Variants in NFX1 observed in about 807,000 individuals in gnomAD.
The protein encoded by NFX1 is transcriptional repressor NF-X1.
In NFX1, 69 loss-of-function variants were observed where a neutral mutation model predicts 137.2. The ratio of observed to expected loss-of-function variants is 0.50; its 90% confidence interval spans 0.41 to 0.61. NFX1 has a LOEUF of 0.61. Among genes scored for constraint, NFX1 ranks in the 20% least tolerant of loss-of-function variants. NFX1 has a pLI of 0.00. For missense variants in NFX1, 1,167 were observed against 1,391.0 expected, an observed-to-expected ratio of 0.84 and a Z score of 2.56; for synonymous variants, 495 against 474.1, an observed-to-expected ratio of 1.04 and a Z score of -0.57.
chr9:33,321,233 A>G (rs1295798168), intron 9 of NFX1, among the ~76,000 whole-genome samples: 1 of 152,174 alleles, frequency 6.6e-6, no homozygotes, highest in Admixed American at 6.6e-5. Flanking sequence ...AACTGGCAGT[A>G]ACAGACCTTG....
intron 19 of NFX1, among the ~76,000 whole-genome samples, chr9:33,355,136 A>C (rs139155265): frequency 6.6e-6 from 1 of 152,352 alleles, no homozygotes; most frequent in Non-Finnish European, 1.5e-5. Context: ...ATCACATAAC[A>C]CAGCATACTT....
At chr9:33,340,032 A>C (rs1336111508) in intron 12 of NFX1, among the ~76,000 whole-genome samples, 2 of 152,168 alleles carry the variant, frequency 1.3e-5, no homozygotes, top group African/African-American at 2.4e-5. Flanking sequence ...CTGTCAGTGG[A>C]TCTCCCATTC....
chr9:33,369,864 C>T (rs780336859), intron 23 of NFX1, 42 bp from the exon 24 acceptor site: 7 of 1,454,084 alleles, frequency 4.8e-6, no homozygotes, highest in Non-Finnish European at 6.8e-6. Context: ...ATCTGTTTCC[C>T]CCAAAGAAGA....
intron 1 of NFX1, 37 bp from the exon 2 acceptor site, chr9:33,294,383 A>G (rs767396216): frequency 3.5e-5 from 53 of 1,510,424 alleles, no homozygotes; most frequent in Middle Eastern, 3.5e-4. Context: ...GATGAAGTTT[A>G]ATCTCTTTAC....
intron 9 of NFX1, among the ~76,000 whole-genome samples, chr9:33,319,413 C>G (rs1236856808): frequency 1.3e-5 from 2 of 152,166 alleles, no homozygotes; most frequent in African/African-American, 4.8e-5. Flanking sequence ...GGAGCCTGTA[C>G]TGTAATGAAC....
At chr9:33,361,315 T>A (rs1405122755) in intron 19 of NFX1, among the ~76,000 whole-genome samples, 1 of 152,130 alleles carries the variant, frequency 6.6e-6, no homozygotes, top group Non-Finnish European at 1.5e-5. Flanking sequence ...ATTTTTAAAA[T>A]TTTTTTATTA....
At chr9:33,306,210 T>C (rs1299079625) in intron 4 of NFX1, among the ~76,000 whole-genome samples, 1 of 152,184 alleles carries the variant, frequency 6.6e-6, no homozygotes, top group Non-Finnish European at 1.5e-5. Context: ...ACTTGGTGAT[T>C]AAGTAGAAAG....
chr9:33,332,342 T>C (rs897118863), intron 10 of NFX1, 130 bp from the exon 11 acceptor site: 73 of 825,464 alleles, frequency 8.8e-5, no homozygotes, highest in Non-Finnish European at 1.2e-4. Flanking sequence ...GCAAGTGAAG[T>C]TGGTGAATAA....
intron 19 of NFX1, among the ~76,000 whole-genome samples, chr9:33,363,176 A>G (rs1335812612): frequency 1.3e-5 from 2 of 151,956 alleles, no homozygotes; most frequent in African/African-American, 4.8e-5. Flanking sequence ...ACAACATAGT[A>G]TATATGTACC....
At chr9:33,335,227 CTTTTTTTTTTTT>C (rs57459026) in intron 11 of NFX1, among the ~76,000 whole-genome samples, 2 of 130,516 alleles carry the variant, frequency 1.5e-5, no homozygotes, top group African/African-American at 3.2e-5. Flanking sequence ...CTTTCTTTTT[CTTTTTTTTTTTT>C]TTTTTTTTGA....
chr9:33,322,631 C>T (rs148087720), intron 9 of NFX1, among the ~76,000 whole-genome samples: 3 of 152,200 alleles, frequency 2.0e-5, no homozygotes, highest in South Asian at 2.1e-4. Flanking sequence ...CCAGCTCACT[C>T]GTAGGGCAGA....
intron 13 of NFX1, 106 bp from the exon 14 acceptor site, chr9:33,343,963 T>C: frequency 6.8e-7 from 1 of 1,468,930 alleles, no homozygotes; most frequent in East Asian, 2.3e-5. Context: ...CCATAAATTC[T>C]CCTCTAAAAA....
intron 5 of NFX1, among the ~76,000 whole-genome samples, chr9:33,310,819 A>T (rs1223563907): frequency 6.6e-6 from 1 of 152,190 alleles, no homozygotes; most frequent in African/African-American, 2.4e-5. Flanking sequence ...CCAAGACTGT[A>T]TTTGAAAATG....
intron 20 of NFX1, among the ~76,000 whole-genome samples, 164 bp downstream of exon 20, chr9:33,364,272 G>T (rs997523527): frequency 6.6e-6 from 1 of 152,060 alleles, no homozygotes; most frequent in Non-Finnish European, 1.5e-5. Context: ...TCCTTCTCTT[G>T]GTTTCTCGAA....
chr9:33,369,497 C>T (rs1167955808), intron 23 of NFX1, among the ~76,000 whole-genome samples: 1 of 152,190 alleles, frequency 6.6e-6, no homozygotes, highest in Non-Finnish European at 1.5e-5. Context: ...ATTTCAAAAT[C>T]ACCAGCTCAT....
In NFX1 at chr9:33,307,217, A is replaced by G. The variant is rs769753244; in HGVS notation, c.1294A>G (p.Ser432Gly). 4 of 1,614,140 alleles carry G rather than the reference A, an allele frequency of 2.5e-6. No homozygotes were observed. Among genetic ancestry groups the G allele is most frequent in the Non-Finnish European group, 3.4e-6 (4 of 1,179,988 alleles). Residue 432 changes from serine (S) to glycine (G), a missense_variant, in exon 5 of 24, where the codon AGC (serine) becomes GGC (glycine). Around this residue, in one of 3 missense-constraint regions of NFX1, gnomAD observed 488 missense variants for 691.5 expected, o/e 0.71. Transcript: ENST00000379540. ...AGGCAAGGTAAAGAATCCTGAGTGG[A>G]GCAGAAATGAAATTCCACATAGCTG... ...FCGKVKNPEW[S>G]RNEIPHSCGE...
At chr9:33,300,153 C>T (rs564399409) in intron 2 of NFX1, among the ~76,000 whole-genome samples, 2 of 149,410 alleles carry the variant, frequency 1.3e-5, no homozygotes, top group Admixed American at 6.7e-5. Flanking sequence ...CCTCCGCCCC[C>T]GGGTTCAAGA....
At chr9:33,331,876 C>T (rs946256638) in intron 10 of NFX1, among the ~76,000 whole-genome samples, 3 of 152,196 alleles carry the variant, frequency 2.0e-5, no homozygotes, top group East Asian at 1.9e-4. Context: ...ACCATCATCA[C>T]TACACACGAT....
intron 19 of NFX1, among the ~76,000 whole-genome samples, chr9:33,361,721 C>G (rs1204125766): frequency 6.6e-6 from 1 of 151,974 alleles, no homozygotes; most frequent in Non-Finnish European, 1.5e-5. Flanking sequence ...TGCAGTGAAC[C>G]GAGATCATGC....
Sources: allele counts gnomAD v4.1 joint callset (sites outside exome capture counted in the v4.1 genomes callset), GRCh38; gene constraint gnomAD v4.1.1; regional missense constraint gnomAD v4.1.1; transcripts MANE v1.5; gene names NCBI Gene and HGNC (gene_info 2026-07-23, HGNC 2026-07-21).